DNAI3: variants seen among roughly 807,000 people sequenced by gnomAD.
The protein encoded by DNAI3 is dynein axonemal intermediate chain 3.
In DNAI3, 83 loss-of-function variants were observed where a neutral mutation model predicts 115.5. The observed-to-expected ratio is 0.72, with a 90% CI of 0.60 to 0.86. The LOEUF is 0.86. Ranked by LOEUF, DNAI3 falls within the 40% of genes least tolerant of loss-of-function variation. The probability of loss-of-function intolerance (pLI) is 0.00; values close to 1 mark genes in which losing one functional copy is unlikely to be tolerated. For synonymous variants in DNAI3, 320 were observed against 347.0 expected, an observed-to-expected ratio of 0.92 and a Z score of 0.86; for missense variants, 1,004 against 1,075.8, an observed-to-expected ratio of 0.93 and a Z score of 0.93.
intron 1 of DNAI3, among the ~76,000 whole-genome samples, chr1:85,068,754 A>G (rs577013083): frequency 6.6e-6 from 1 of 152,296 alleles, no homozygotes; most frequent in South Asian, 2.1e-4. Flanking sequence ...CGTACCTGTA[A>G]GAGGATCATA....
At chr1:85,101,256 A>G (rs1336229170) in intron 13 of DNAI3, among the ~76,000 whole-genome samples, 1 of 152,222 alleles carries the variant, frequency 6.6e-6, no homozygotes, top group Non-Finnish European at 1.5e-5. Context: ...CAAAGCAATG[A>G]TACTTTTAAA....
At chr1:85,101,046 A>G (rs919529848) in intron 13 of DNAI3, among the ~76,000 whole-genome samples, 21 of 152,044 alleles carry the variant, frequency 1.4e-4, no homozygotes, top group Admixed American at 5.9e-4. Flanking sequence ...TGGGTGCAGC[A>G]CACCAACATG....
intron 13 of DNAI3, among the ~76,000 whole-genome samples, chr1:85,101,500 A>G (rs1655310053): frequency 6.6e-6 from 1 of 152,098 alleles, no homozygotes; most frequent in South Asian, 2.1e-4. Context: ...CGAGGCGGGC[A>G]GATCACGAGG....
intron 14 of DNAI3, among the ~76,000 whole-genome samples, chr1:85,106,954 A>G: frequency 6.6e-6 from 1 of 152,230 alleles, no homozygotes; most frequent in East Asian, 1.9e-4. Context: ...ACGTATCTTC[A>G]TGACTTTGAA....
intron 1 of DNAI3, among the ~76,000 whole-genome samples, chr1:85,063,091 A>G (rs1246966144): frequency 6.6e-6 from 1 of 152,188 alleles, no homozygotes. Flanking sequence ...TGAATGCTAA[A>G]TGAATTCACA....
chr1:85,090,561 C>T (rs1654941837), intron 8 of DNAI3, among the ~76,000 whole-genome samples: 1 of 152,180 alleles, frequency 6.6e-6, no homozygotes. Flanking sequence ...TCCTCTTCCT[C>T]ATTAACTTTT....
intron 11 of DNAI3, among the ~76,000 whole-genome samples, chr1:85,096,941 A>T (rs1655143427): frequency 1.3e-5 from 2 of 152,184 alleles, no homozygotes; most frequent in Admixed American, 1.3e-4. Flanking sequence ...TTTATTTTAG[A>T]ATATTTCAGA....
At chr1:85,106,964 A>G (rs1432838800) in intron 14 of DNAI3, among the ~76,000 whole-genome samples, 1 of 152,360 alleles carries the variant, frequency 6.6e-6, no homozygotes, top group East Asian at 1.9e-4. Context: ...ATGACTTTGA[A>G]TTGAGGGGTG....
chr1:85,093,781 C>A, intron 9 of DNAI3, 133 bp downstream of exon 9: 2 of 1,048,268 alleles, frequency 1.9e-6, no homozygotes, highest in Non-Finnish European at 2.9e-6. Context: ...TAGGTACCTG[C>A]CATGTGCTTT....
At chr1:85,125,050 C>T (rs1353311889) in intron 19 of DNAI3, among the ~76,000 whole-genome samples, 4 of 151,964 alleles carry the variant, frequency 2.6e-5, no homozygotes, top group Non-Finnish European at 4.4e-5. Flanking sequence ...AGAGTGTGGT[C>T]AGGATTAGGA....
At chr1:85,091,775 A>G (rs1654982866) in intron 8 of DNAI3, among the ~76,000 whole-genome samples, 2 of 152,190 alleles carry the variant, frequency 1.3e-5, no homozygotes, top group African/African-American at 4.8e-5. Flanking sequence ...CCTAGACAAC[A>G]GTTTTGCTAG....
chr1:85,122,139 G>C (rs1260818072), intron 18 of DNAI3, among the ~76,000 whole-genome samples: 1 of 152,212 alleles, frequency 6.6e-6, no homozygotes, highest in Non-Finnish European at 1.5e-5. Context: ...GGAGAAACTT[G>C]AGTGATTTAA....
intron 13 of DNAI3, among the ~76,000 whole-genome samples, chr1:85,099,967 T>C (rs911712240): frequency 6.6e-5 from 10 of 152,038 alleles, no homozygotes; most frequent in African/African-American, 2.2e-4. Flanking sequence ...ATACAAAAAT[T>C]AATTCAAGAT....
chr1:85,111,445 T>C (rs1282585921), intron 16 of DNAI3, among the ~76,000 whole-genome samples: 1 of 152,182 alleles, frequency 6.6e-6, no homozygotes, highest in Admixed American at 6.5e-5. Context: ...TCAGGTACGG[T>C]GCTACTATTG....
At chr1:85,105,739 A>G (rs911863093) in intron 14 of DNAI3, among the ~76,000 whole-genome samples, 1 of 152,166 alleles carries the variant, frequency 6.6e-6, no homozygotes, top group Non-Finnish European at 1.5e-5. Flanking sequence ...AGATTTGGGT[A>G]GCAGGAACAA....
intron 3 of DNAI3, 104 bp downstream of exon 3, chr1:85,073,196 G>T: frequency 1.3e-6 from 1 of 785,098 alleles, no homozygotes; most frequent in Non-Finnish European, 1.9e-6. Flanking sequence ...CAATCAAAAT[G>T]TACATGGGCT....
At chr1:85,073,196 G>A (rs11161517) in intron 3 of DNAI3, 104 bp downstream of exon 3, 160,254 of 783,478 alleles carry the variant, frequency 0.2, 16,620 homozygotes, top group South Asian at 0.26. Flanking sequence ...CAATCAAAAT[G>A]TACATGGGCT....
chr1:85,100,280 A>C (rs1655252982), intron 13 of DNAI3, among the ~76,000 whole-genome samples: 4 of 152,220 alleles, frequency 2.6e-5, no homozygotes, highest in Admixed American at 2.6e-4. Flanking sequence ...TTACAAGAAA[A>C]AAACAAACAA....
intron 3 of DNAI3, among the ~76,000 whole-genome samples, chr1:85,077,790 C>G (rs567597805): frequency 1.3e-5 from 2 of 151,600 alleles, no homozygotes; most frequent in Non-Finnish European, 1.5e-5. Flanking sequence ...TATTTATCAA[C>G]TTGTACATAT....
Sources: gnomAD v4.1 joint callset for allele counts (sites outside exome capture counted in the v4.1 genomes callset) on GRCh38, gnomAD v4.1.1 for gene constraint, MANE v1.5 for transcripts, NCBI Gene and HGNC (gene_info 2026-07-23, HGNC 2026-07-21) for gene names.